PPARGC1B: variants seen among roughly 807,000 people sequenced by gnomAD.
The protein encoded by PPARGC1B is PPARG coactivator 1 beta, also known as peroxisome proliferator-activated receptor gamma coactivator 1-beta.
In PPARGC1B, 34 loss-of-function variants were observed where a neutral mutation model predicts 101.6. The ratio of observed to expected loss-of-function variants is 0.33; its 90% CI spans 0.25 to 0.45. PPARGC1B has a LOEUF of 0.45. PPARGC1B is among the 20% of genes least tolerant of loss of function. The probability of loss-of-function intolerance (pLI) is 1.00; values close to 1 mark genes in which losing one functional copy is unlikely to be tolerated. For missense variants in PPARGC1B, 1,234 were observed against 1,317.6 expected (o/e 0.94, Z 0.98); for synonymous variants, 548 against 539.3 (o/e 1.02, Z -0.22).
intron 1 of PPARGC1B, among the ~76,000 whole-genome samples, chr5:149,732,207 G>C (rs1262407380): frequency 6.6e-6 from 1 of 152,208 alleles, no homozygotes; most frequent in East Asian, 1.9e-4. Flanking sequence ...CCCAGCCTCA[G>C]TACCCCCAGA....
In PPARGC1B at chr5:149,842,361, C is replaced by T; in HGVS notation, c.2800C>T (p.Leu934=). 1 of 1,613,848 alleles carries T rather than the reference C, an allele frequency of 6.2e-7. No individual in the cohort carries two copies. Among genetic ancestry groups the T allele is most frequent in the South Asian group, 1.1e-5 (1 of 91,034 alleles). The stretch of plus-strand genomic sequence containing the variant: ...TGGTGAGATTGAGGAGTGCGAGGTG[C>T]TGACAAGAAATAGGAGGTGAGTTGA... ...VFGEIEECEV[L]TRNRRGEKYG... is the part of the protein sequence containing the mutation. Residue 934 remains leucine, a synonymous_variant, in exon 10 of 12, where the codon CTG becomes TTG. Transcript: ENST00000309241.
intron 6 of PPARGC1B, 29 bp downstream of exon 6, chr5:149,834,739 GTT>G: frequency 6.2e-7 from 1 of 1,600,852 alleles, no homozygotes; most frequent in Non-Finnish European, 8.6e-7. Context: ...TTGGTGTATT[GTT>G]CCATGAGATT....
chr5:149,808,176 G>T (rs1757672011), intron 1 of PPARGC1B, among the ~76,000 whole-genome samples: 2 of 152,146 alleles, frequency 1.3e-5, no homozygotes, highest in African/African-American at 2.4e-5. Context: ...TTAATCTTGG[G>T]TGGATATTTT....
At chr5:149,756,665 T>C (rs1404066299) in intron 1 of PPARGC1B, among the ~76,000 whole-genome samples, 2 of 152,106 alleles carry the variant, frequency 1.3e-5, no homozygotes, top group Non-Finnish European at 2.9e-5. Flanking sequence ...CTAAGGAGAT[T>C]TGAGGGTTTT....
At chr5:149,747,577 C>T (rs1755135978) in intron 1 of PPARGC1B, among the ~76,000 whole-genome samples, 1 of 152,212 alleles carries the variant, frequency 6.6e-6, no homozygotes, top group Admixed American at 6.5e-5. Context: ...GCCCTAGTGG[C>T]CTCATGCCAC....
chr5:149,786,413 A>G (rs1756810791), intron 1 of PPARGC1B, among the ~76,000 whole-genome samples: 1 of 150,972 alleles, frequency 6.6e-6, no homozygotes, highest in Admixed American at 6.6e-5. Context: ...TGTATTTTTT[A>G]TAGAGACAGA....
At chr5:149,751,970 G>A (rs867044793) in intron 1 of PPARGC1B, among the ~76,000 whole-genome samples, 2 of 152,154 alleles carry the variant, frequency 1.3e-5, no homozygotes, top group Admixed American at 1.3e-4. Context: ...GCATTGCTGT[G>A]AGAATGCATG....
At chr5:149,753,224 TGAGACA>T (rs1388684229) in intron 1 of PPARGC1B, among the ~76,000 whole-genome samples, 1 of 152,182 alleles carries the variant, frequency 6.6e-6, no homozygotes, top group Non-Finnish European at 1.5e-5. Context: ...TTTATTTCGT[TGAGACA>T]GAGTCTCGCT....
In PPARGC1B at chr5:149,847,660, G is replaced by GCGTGAGAGAACACC; in HGVS notation, c.*112_*125dup. ...TCAAGTATATGAGGAGAGCGAGCGAGCGTGAGAGAACACCCGTGAGAGAGA... is the reference window on the plus strand; with the variant it reads ...TCAAGTATATGAGGAGAGCGAGCGAGCGTGAGAGAACACCCGTGAGAGAACACCCGTGAGAGAGA... On this transcript the variant is annotated 3_prime_UTR_variant, in exon 12 of 12. Coordinates refer to ENST00000309241, the MANE Select transcript of PPARGC1B (RefSeq NM_133263.4). 1 of 849,678 alleles carries GCGTGAGAGAACACC rather than the reference G, an allele frequency of 1.2e-6. No individual in the cohort carries two copies. Among genetic ancestry groups the GCGTGAGAGAACACC allele is most frequent in the Non-Finnish European group, 1.9e-6 (1 of 524,982 alleles). The allele number at this position is 849,678 out of a possible 1,614,324, so 52.6% of individuals were successfully genotyped here.
In PPARGC1B at chr5:149,794,694, A is replaced by G. The variant is rs546274244; in HGVS notation, c.79-25739A>G. 2.6e-5 allele frequency among the ~76,000 whole-genome samples: 4 copies of G among 152,354 alleles called. No individual in the cohort carries two copies. The East Asian group carries it at 7.7e-4, about 29-fold the overall frequency. On this transcript the variant is annotated intron_variant, in intron 1 of 11. Coordinates refer to ENST00000309241, the MANE Select transcript of PPARGC1B (RefSeq NM_133263.4). ...AAGGATTCCTGCTTTGCCCTATATA[A>G]GGAGGCTGTTGTCCCAGCCAGGCCC...
At chr5:149,757,237 A>G (rs1029740735) in intron 1 of PPARGC1B, among the ~76,000 whole-genome samples, 1 of 152,234 alleles carries the variant, frequency 6.6e-6, no homozygotes, top group Non-Finnish European at 1.5e-5. Context: ...GAGAAAAGCC[A>G]AGAGCAGAGG....
intron 2 of PPARGC1B, among the ~76,000 whole-genome samples, chr5:149,824,979 G>C (rs1048671948): frequency 6.6e-6 from 1 of 152,400 alleles, no homozygotes; most frequent in African/African-American, 2.4e-5. Context: ...AGGCCGTCAC[G>C]AGACGTGTAT....
intron 2 of PPARGC1B, among the ~76,000 whole-genome samples, chr5:149,825,049 G>A (rs56038214): frequency 7.9e-5 from 12 of 151,672 alleles, no homozygotes; most frequent in South Asian, 2.1e-4. Context: ...AAAGAGTGCC[G>A]GAGGAGGCAT....
chr5:149,803,580 G>A (rs1377397614), intron 1 of PPARGC1B, among the ~76,000 whole-genome samples: 3 of 152,018 alleles, frequency 2.0e-5, no homozygotes, highest in African/African-American at 7.3e-5. Flanking sequence ...AGAGTTCCTC[G>A]CCTCCTGCCT....
At chr5:149,781,526 T>C (rs1756599721) in intron 1 of PPARGC1B, among the ~76,000 whole-genome samples, 1 of 152,234 alleles carries the variant, frequency 6.6e-6, no homozygotes, top group Non-Finnish European at 1.5e-5. Context: ...TGGAGTCCTT[T>C]GTGTGAACAC....
In PPARGC1B at chr5:149,836,349, A is replaced by G; in HGVS notation, c.1894A>G (p.Ile632Val). ...PDIKHSLGKE[I>V]ALSLPSPEGL... ...CATCAAGCATAGTCTAGGCAAAGAA[A>G]TAGCTCTCAGCCTCCCCTCCCCTGA... Residue 632 changes from isoleucine to valine, a missense_variant, in exon 8 of 12, where the codon ATA becomes GTA. This residue lies in a region of PPARGC1B where 497 missense variants were observed against 529.5 expected (regional missense o/e 0.94). Transcript: ENST00000309241. 2 of 1,614,070 alleles carry G rather than the reference A, an allele frequency of 1.2e-6. No individual in the cohort carries two copies. Among genetic ancestry groups the G allele is most frequent in the Non-Finnish European group, 1.7e-6 (2 of 1,179,994 alleles).
intron 1 of PPARGC1B, among the ~76,000 whole-genome samples, chr5:149,800,241 C>T (rs974081975): frequency 3.3e-5 from 5 of 152,094 alleles, no homozygotes; most frequent in African/African-American, 4.8e-5. Context: ...GATCATGTAA[C>T]GTTAACATCC....
chr5:149,817,310 C>CA (rs1432494224), intron 1 of PPARGC1B, among the ~76,000 whole-genome samples: 1 of 151,998 alleles, frequency 6.6e-6, no homozygotes, highest in Non-Finnish European at 1.5e-5. Flanking sequence ...CCTGTCTGTA[C>CA]AAAAAATTAA....
At chr5:149,747,889 G>T (rs775252767) in intron 1 of PPARGC1B, among the ~76,000 whole-genome samples, 104 of 152,294 alleles carry the variant, frequency 6.8e-4, no homozygotes, top group Admixed American at 1.4e-3. Context: ...TTTGCCAGAG[G>T]CCCATCTCCT....
Sources: allele counts gnomAD v4.1 joint callset (sites outside exome capture counted in the v4.1 genomes callset), GRCh38; gene constraint gnomAD v4.1.1; regional missense constraint gnomAD v4.1.1; transcripts MANE v1.5; gene names NCBI Gene and HGNC (gene_info 2026-07-23, HGNC 2026-07-21).